ILF2: variants seen among roughly 807,000 people sequenced by gnomAD.
The protein encoded by ILF2 is interleukin enhancer binding factor 2.
ILF2 carries 9 observed loss-of-function variants against 55.3 expected under a neutral mutation model. The observed-to-expected ratio is 0.16, with a 90% CI of 0.10 to 0.28. The LOEUF is 0.28. ILF2 is among the 10% of genes least tolerant of loss of function. The probability of loss-of-function intolerance (pLI) is 1.00; values close to 1 mark genes in which losing one functional copy is unlikely to be tolerated. For missense variants in ILF2, 266 were observed against 474.9 expected, an observed-to-expected ratio of 0.56 and a Z score of 4.09; for synonymous variants, 151 against 161.8, an observed-to-expected ratio of 0.93 and a Z score of 0.50.
At position 153,670,321 on chromosome 1, in the gene ILF2, C is replaced by T. The variant is rs995403794; in HGVS notation, c.6-91G>A. 59 of 1,303,352 alleles carry T rather than the reference C, an allele frequency of 4.5e-5. No homozygotes were observed. The Middle Eastern group carries it at 5.5e-4, about 12-fold the overall frequency. The allele number at this position is 1,303,352 out of a possible 1,614,324, so 80.7% of individuals were successfully genotyped here. A position where few individuals can be genotyped will look rare whatever the true frequency, so the allele number is the denominator to read the frequency against. ...GGCTACTTTCATCCCTCGGAACCTCCCAACGGTAGGCAAGAGACCCCACTC... is the reference window on the plus strand; with the variant it reads ...GGCTACTTTCATCCCTCGGAACCTCTCAACGGTAGGCAAGAGACCCCACTC... On this transcript the variant is annotated intron_variant, in intron 1 of 13. Transcript: ENST00000361891.
chr1:153,662,572 A>T lies in ILF2; in HGVS notation c.1013-16T>A, dbSNP rs1292992943. On this transcript the variant is annotated splice_polypyrimidine_tract_variant and intron_variant, in intron 13 of 13. Coordinates refer to ENST00000361891, the MANE Select transcript of ILF2 (RefSeq NM_004515.4). ...GAAGCAAGATCTAGGAAAGAGAAAA[A>T]GGTGATTTAGACGAGTAGCCCAGCA... 1.2e-6 allele frequency: 2 copies of T among 1,610,662 alleles called. No homozygotes were observed. Among genetic ancestry groups the T allele is most frequent in the Admixed American group, 3.3e-5 (2 of 59,954 alleles).
Position 153,665,323 on chromosome 1 carries a change from C to T in ILF2, c.474G>A (p.Leu158=), listed in dbSNP as rs765724839. The T allele has an allele frequency of 2.5e-6, 4 of 1,608,988 alleles. No individual in the cohort carries two copies. The East Asian group carries it at 8.9e-5, about 36-fold the overall frequency. ...TGATTTCAAAGCCAGTTTCGTTGGT[C>T]AGCATGGTTAAAACTGAAAAAACAG... ...AQDPSEVLTM[L]TNETGFEISS... is the part of the protein sequence containing the mutation. Residue 158 remains leucine (L), a synonymous_variant, in exon 8 of 14, where the codon CTG becomes CTA. Transcript: ENST00000361891.
intron 6 of ILF2, among the ~76,000 whole-genome samples, chr1:153,666,758 C>T (rs750628504): frequency 6.6e-6 from 1 of 152,202 alleles, no homozygotes; most frequent in Non-Finnish European, 1.5e-5. Flanking sequence ...GAAACATGGC[C>T]GTACAGTAAC....
At chr1:153,665,757 T>A (rs751068117) in intron 6 of ILF2, 29 bp from the exon 7 acceptor site, 1 of 1,555,194 alleles carries the variant, frequency 6.4e-7, no homozygotes, top group African/African-American at 1.4e-5. Flanking sequence ...CATAATGTTA[T>A]AATAATTTAT....
chr1:153,663,009 G>A lies in ILF2; in HGVS notation c.921+10C>T, dbSNP rs769314314. 7.5e-6 allele frequency: 12 copies of A among 1,603,572 alleles called. No individual in the cohort carries two copies. Among genetic ancestry groups the A allele is most frequent in the Admixed American group, 3.3e-5 (2 of 59,978 alleles). On this transcript the variant is annotated intron_variant, in intron 12 of 13. Transcript: ENST00000361891. ...GGGCAAAACAACTCAGTTCATATCTGTCCCAATACCTGCTGTTCTAGGGTC... is the reference window on the plus strand; with the variant it reads ...GGGCAAAACAACTCAGTTCATATCTATCCCAATACCTGCTGTTCTAGGGTC...
chr1:153,667,880 CTT>C, intron 5 of ILF2, 118 bp downstream of exon 5: 2 of 756,840 alleles, frequency 2.6e-6, no homozygotes, highest in Middle Eastern at 4.8e-4. Context: ...TTCCACTGTA[CTT>C]TCTCATTTTA....
At chr1:153,665,141 G>A (rs3862047) in intron 8 of ILF2, 79 bp downstream of exon 8, 404,031 of 859,974 alleles carry the variant, frequency 0.47, 98,790 homozygotes, top group East Asian at 0.66. Context: ...ATAGCAACAA[G>A]CTAAGTAAAC....
Position 153,665,549 on chromosome 1 carries a change from A to G in ILF2, c.460+114T>C, listed in dbSNP as rs773738142. 21 of 992,496 alleles carry G rather than the reference A, an allele frequency of 2.1e-5. No individual in the cohort carries two copies. The Admixed American group carries it at 3.6e-4, about 17-fold the overall frequency. 61.5% of individuals were successfully genotyped at this position (992,496 alleles called of 1,614,324 possible). A position where few individuals can be genotyped will look rare whatever the true frequency, so the allele number is the denominator to read the frequency against. On this transcript the variant is annotated intron_variant, in intron 7 of 13. Coordinates refer to ENST00000361891, the MANE Select transcript of ILF2 (RefSeq NM_004515.4). The stretch of plus-strand genomic sequence containing the variant: ...CCTGCCAAAAACTCCCACAACATAA[A>G]ACTCTGCATTTACTCTTCCATCTGG...
At chr1:153,670,057 G>A (rs550268436) in intron 2 of ILF2, 114 bp downstream of exon 2, 3 of 1,184,978 alleles carry the variant, frequency 2.5e-6, no homozygotes, top group South Asian at 1.2e-5. Flanking sequence ...TGCAGGAAAA[G>A]ACCACAGTTG....
Sources: gnomAD v4.1 joint callset for allele counts (sites outside exome capture counted in the v4.1 genomes callset) on GRCh38, gnomAD v4.1.1 for gene constraint, MANE v1.5 for transcripts, NCBI Gene and HGNC (gene_info 2026-07-23, HGNC 2026-07-21) for gene names.